MEIS1: variants seen among roughly 807,000 people sequenced by gnomAD.
The protein encoded by MEIS1 is homeobox protein Meis1.
MEIS1 carries 5 observed loss-of-function variants against 50.8 expected under a neutral mutation model. The observed-to-expected ratio is 0.10, with a 90% CI of 0.05 to 0.21. MEIS1 has a LOEUF of 0.21. Ranked by LOEUF, MEIS1 falls within the 10% of genes least tolerant of loss-of-function variation. MEIS1 has a pLI of 1.00. For missense variants in MEIS1, 318 were observed against 517.3 expected (o/e 0.61, Z 3.74); for synonymous variants, 176 against 179.3 (o/e 0.98, Z 0.15).
intron 6 of MEIS1, among the ~76,000 whole-genome samples, chr2:66,450,009 G>C (rs1423880916): frequency 6.6e-6 from 1 of 152,026 alleles, no homozygotes; most frequent in Admixed American, 6.6e-5. Context: ...ACAAATTACA[G>C]CTGGAGTTGT....
chr2:66,547,147 G>T (rs1674811951), intron 8 of MEIS1, among the ~76,000 whole-genome samples: 1 of 152,120 alleles, frequency 6.6e-6, no homozygotes, highest in African/African-American at 2.4e-5. Flanking sequence ...AGATATATTT[G>T]ATCAGTGAAC....
intron 9 of MEIS1, among the ~76,000 whole-genome samples, chr2:66,560,702 G>A (rs1370438380): frequency 6.6e-6 from 1 of 152,128 alleles, no homozygotes; most frequent in African/African-American, 2.4e-5. Context: ...AACACTGTTA[G>A]AGAAGGAAAA....
chr2:66,437,677 C>G, intron 1 of MEIS1, 60 bp from the exon 2 acceptor site: 1 of 1,503,896 alleles, frequency 6.6e-7, no homozygotes, highest in Non-Finnish European at 9.2e-7. Flanking sequence ...GGTGCCTTGC[C>G]GTTCTCCCAT....
intron 8 of MEIS1, among the ~76,000 whole-genome samples, chr2:66,543,570 C>G (rs1674709081): frequency 6.6e-6 from 1 of 152,138 alleles, no homozygotes; most frequent in Non-Finnish European, 1.5e-5. Flanking sequence ...CCAGCTTTAC[C>G]CATACATAAT....
rs374161562 is a variant in MEIS1 at position 66,541,435 on chromosome 2, T to C, written c.889-6508T>C. The stretch of plus-strand genomic sequence containing the variant: ...TTAGTACAAAAAACAAAGATTGTTA[T>C]GAAACATTATCCAGCATTCTACTTT... On this transcript the variant is annotated intron_variant, in intron 8 of 12. Coordinates refer to ENST00000272369, the MANE Select transcript of MEIS1 (RefSeq NM_002398.3). 1.1e-3 allele frequency among the ~76,000 whole-genome samples: 164 copies of C among 152,328 alleles called. No homozygotes were observed. The Middle Eastern group carries it at 0.014, about 13-fold the overall frequency.
chr2:66,456,634 A>G (rs1418530641), intron 6 of MEIS1, among the ~76,000 whole-genome samples: 1 of 152,224 alleles, frequency 6.6e-6, no homozygotes, highest in Non-Finnish European at 1.5e-5. Flanking sequence ...TCACAGCATT[A>G]AAAAAGGGTT....
intron 8 of MEIS1, among the ~76,000 whole-genome samples, chr2:66,544,683 A>G (rs973386524): frequency 3.3e-5 from 5 of 152,176 alleles, no homozygotes; most frequent in Admixed American, 6.5e-5. Context: ...TAATGGAGAC[A>G]GAGTGCTGAG....
intron 1 of MEIS1, 61 bp from the exon 2 acceptor site, chr2:66,437,676 C>T (rs1215139500): frequency 2.0e-6 from 3 of 1,497,542 alleles, no homozygotes; most frequent in Non-Finnish European, 9.2e-7. Flanking sequence ...CGGTGCCTTG[C>T]CGTTCTCCCA....
intron 5 of MEIS1, 104 bp downstream of exon 5, chr2:66,441,568 A>ATC: frequency 9.7e-6 from 9 of 927,912 alleles, no homozygotes; most frequent in Non-Finnish European, 1.3e-5. Flanking sequence ...ACATTTGCAT[A>ATC]AATGTCTTTC....
In MEIS1 at chr2:66,435,743, CTTTTT is replaced by C. The variant is rs70943697; in HGVS notation, c.-94_-90del. ...AGACGTTAAGGGATTTTTCGTCGTG[CTTTTT>C]TTTTTTTTTTTTTTTTTTTCCGGGG... On this transcript the variant is annotated 5_prime_UTR_variant, in exon 1 of 13. Coordinates refer to ENST00000272369, the MANE Select transcript of MEIS1 (RefSeq NM_002398.3). 0.014 allele frequency: 4,488 copies of C among 329,886 alleles called. No homozygotes were observed. The highest frequency in any genetic ancestry group is 0.021 in the South Asian group (297 of 13,838). 20.4% of individuals were successfully genotyped at this position (329,886 alleles called of 1,614,324 possible).
In MEIS1 at chr2:66,435,719, G is replaced by A. The variant is rs981452679; in HGVS notation, c.-138G>A. On this transcript the variant is annotated 5_prime_UTR_variant, in exon 1 of 13. Transcript: ENST00000272369. ...GGGACCAGTAGCTCACGTTGCTGGAGACGTTAAGGGATTTTTCGTCGTGCT... is the reference window on the plus strand; with the variant it reads ...GGGACCAGTAGCTCACGTTGCTGGAAACGTTAAGGGATTTTTCGTCGTGCT... 1 of 739,656 alleles carries A rather than the reference G, an allele frequency of 1.4e-6. No homozygotes were observed. Among genetic ancestry groups the A allele is most frequent in the Non-Finnish European group, 2.1e-6 (1 of 472,922 alleles). The allele number at this position is 739,656 out of a possible 1,614,324, so 45.8% of individuals were successfully genotyped here.
chr2:66,465,440 C>A (rs766884390), intron 7 of MEIS1, among the ~76,000 whole-genome samples: 3 of 152,072 alleles, frequency 2.0e-5, no homozygotes, highest in Non-Finnish European at 2.9e-5. Flanking sequence ...ATCCAAGGGG[C>A]CTTTTTTCTT....
intron 6 of MEIS1, among the ~76,000 whole-genome samples, chr2:66,444,659 C>A (rs1672084032): frequency 1.3e-5 from 2 of 152,232 alleles, no homozygotes; most frequent in African/African-American, 2.4e-5. Context: ...AGCCTTGGCC[C>A]CCGCGGGCGG....
intron 9 of MEIS1, among the ~76,000 whole-genome samples, chr2:66,549,355 G>A (rs1674863155): frequency 6.6e-6 from 1 of 151,900 alleles, no homozygotes; most frequent in Non-Finnish European, 1.5e-5. Context: ...ACCAAGCAAA[G>A]GCATACTACA....
intron 6 of MEIS1, among the ~76,000 whole-genome samples, chr2:66,463,452 C>G (rs1458514291): frequency 1.3e-5 from 2 of 152,146 alleles, no homozygotes; most frequent in African/African-American, 2.4e-5. Flanking sequence ...CTGAATGTTA[C>G]TTTCAAATGC....
At chr2:66,536,611 A>G (rs1674524836) in intron 8 of MEIS1, among the ~76,000 whole-genome samples, 1 of 152,188 alleles carries the variant, frequency 6.6e-6, no homozygotes, top group Admixed American at 6.5e-5. Flanking sequence ...AATTTCACTC[A>G]GGTGTCTGAG....
rs1231271649 is a variant in MEIS1, at chr2:66,540,670, G to A, written c.889-7273G>A. On this transcript the variant is annotated intron_variant, in intron 8 of 12. Transcript: ENST00000272369. ...CTTCTACTGAGAGAATCAATATTCA[G>A]AGGATTCATTAATAGCTGTTCAACA... 4.6e-5 allele frequency among the ~76,000 whole-genome samples: 7 copies of A among 152,288 alleles called. No individual in the cohort carries two copies. In the South Asian group the frequency reaches 1.2e-3, roughly 27 times the overall value.
In MEIS1 at chr2:66,514,798, A is replaced by C. The variant is rs187890655; in HGVS notation, c.888+2504A>C. On this transcript the variant is annotated intron_variant, in intron 8 of 12. Coordinates refer to ENST00000272369, the MANE Select transcript of MEIS1 (RefSeq NM_002398.3). The stretch of plus-strand genomic sequence containing the variant: ...GATTCCTTCCCACTTCTCTAATTGC[A>C]AGAGCAAATAGACCTCCAGCTATAA... 7.7e-3 allele frequency among the ~76,000 whole-genome samples: 1,165 copies of C among 152,284 alleles called. 23 individuals carry two copies. The highest frequency in any genetic ancestry group is 0.037 in the Admixed American group (573 of 15,296).
intron 7 of MEIS1, among the ~76,000 whole-genome samples, chr2:66,499,978 T>C (rs1199132457): frequency 2.6e-5 from 4 of 152,180 alleles, no homozygotes; most frequent in Non-Finnish European, 5.9e-5. Flanking sequence ...TTTTTTCCTA[T>C]GCTAAAAGGG....
Sources: allele counts gnomAD v4.1 joint callset (sites outside exome capture counted in the v4.1 genomes callset), GRCh38; gene constraint gnomAD v4.1.1; transcripts MANE v1.5; gene names NCBI Gene and HGNC (gene_info 2026-07-23, HGNC 2026-07-21).